Variants in PHKG1 observed in about 807,000 individuals in gnomAD.
The protein encoded by PHKG1 is phosphorylase b kinase gamma catalytic chain, skeletal muscle/heart isoform.
A neutral mutation model predicts 50.5 loss-of-function variants in PHKG1; 48 were observed. The observed-to-expected ratio is 0.95, with a 90% CI of 0.75 to 1.21. The LOEUF (loss-of-function observed/expected upper bound fraction) is 1.21. PHKG1 is among the 50% of genes most tolerant of loss of function. The pLI is 0.00. For missense variants in PHKG1, 487 were observed against 519.5 expected, an observed-to-expected ratio of 0.94 and a Z score of 0.61; for synonymous variants, 204 against 212.8, an observed-to-expected ratio of 0.96 and a Z score of 0.36.
chr7:56,090,137 A>G (rs1796442564), intron 1 of PHKG1, among the ~76,000 whole-genome samples: 1 of 151,750 alleles, frequency 6.6e-6, no homozygotes. Context: ...TTTTGTGGAG[A>G]CGGAGTCTCA....
At chr7:56,083,999 C>T in intron 4 of PHKG1, 3 of 615,630 alleles carry the variant, frequency 4.9e-6, no homozygotes, top group Non-Finnish European at 8.6e-6. Context: ...AATTTTTCCC[C>T]TGGAAAAATT....
At position 56,080,453 on chromosome 7, in the gene PHKG1, G is replaced by C. The variant is rs1795908924; in HGVS notation, c.*601C>G. ...TAATTTTTTGAATTTTTGTAGTGATGGGATCTCGCTCTGTTGCCCAGGGTG... is the reference window on the plus strand; with the variant it reads ...TAATTTTTTGAATTTTTGTAGTGATCGGATCTCGCTCTGTTGCCCAGGGTG... On this transcript the variant is annotated 3_prime_UTR_variant, in exon 10 of 10. Transcript: ENST00000297373. The C allele has an allele frequency of 6.3e-6, 1 of 158,670 alleles. No homozygotes were observed. Among genetic ancestry groups the C allele is most frequent in the South Asian group, 1.9e-4 (1 of 5,392 alleles). 9.8% of individuals were successfully genotyped at this position (158,670 alleles called of 1,614,324 possible).
intron 5 of PHKG1, 46 bp from the exon 6 acceptor site, chr7:56,083,487 G>T: frequency 6.2e-7 from 1 of 1,603,964 alleles, no homozygotes; most frequent in South Asian, 1.1e-5. Context: ...CTCAGGGTCA[G>T]GTAACAGGCA....
chr7:56,088,184 G>T (rs1388992869), intron 2 of PHKG1, among the ~76,000 whole-genome samples: 1 of 151,800 alleles, frequency 6.6e-6, no homozygotes, highest in African/African-American at 2.4e-5. Flanking sequence ...ACAGGTACCT[G>T]CCACCACACA....
intron 1 of PHKG1, among the ~76,000 whole-genome samples, chr7:56,091,368 T>C (rs1015303335): frequency 6.6e-6 from 1 of 151,202 alleles, no homozygotes; most frequent in Non-Finnish European, 1.5e-5. Context: ...ATACAAAAAA[T>C]TAGCCGGGCG....
At position 56,081,115 on chromosome 7, in the gene PHKG1, G is replaced by T. The variant is rs748748925; in HGVS notation, c.1103C>A (p.Ala368Glu). Reference protein sequence around the residue: ...WVKKGQQQNRAALFENTPKAV... With the variant: ...WVKKGQQQNREALFENTPKAV... ...CTTGGGTGTGTTCTCGAAAAGGGCT[G>T]CCCGGTTCTGCTGCTGCCCCTTCTT... The change falls in exon 10 of 10, where the codon GCA becomes GAA. Residue 368 changes from alanine (A) to glutamate (E), a missense_variant. Coordinates refer to ENST00000297373, the MANE Select transcript of PHKG1 (RefSeq NM_006213.5). This position sits in a 1 kb window ranked among gnomAD's most constrained non-coding sequence, Gnocchi z 4.6. 6.2e-7 allele frequency: 1 copy of T among 1,613,548 alleles called. No individual in the cohort carries two copies. The highest frequency in any genetic ancestry group is 2.2e-5 in the East Asian group (1 of 44,896).
intron 4 of PHKG1, chr7:56,084,068 A>AT: frequency 1.3e-6 from 1 of 767,126 alleles, no homozygotes; most frequent in South Asian, 1.6e-5. Flanking sequence ...CCAGGTTCCC[A>AT]TTACCCTAGT....
intron 6 of PHKG1, 97 bp downstream of exon 6, chr7:56,083,181 C>T (rs937819717): frequency 2.9e-6 from 3 of 1,036,242 alleles, no homozygotes; most frequent in Non-Finnish European, 4.2e-6. Flanking sequence ...TTCCAGGGAA[C>T]AATTAAGTTA....
chr7:56,090,552 G>A (rs933760884), intron 1 of PHKG1, among the ~76,000 whole-genome samples: 3 of 122,368 alleles, frequency 2.5e-5, no homozygotes, highest in Non-Finnish European at 3.4e-5. Flanking sequence ...ATGGAGAGCT[G>A]GGTGGGTCCA....
At chr7:56,086,393 C>G (rs1375782402) in intron 4 of PHKG1, among the ~76,000 whole-genome samples, 1 of 152,108 alleles carries the variant, frequency 6.6e-6, no homozygotes, top group African/African-American at 2.4e-5. Flanking sequence ...CTATACTGTG[C>G]CAGGCACGGT....
rs370265951 is a variant in PHKG1 at position 56,082,057 on chromosome 7, G to A, written c.639-11C>T. 23 of 1,611,322 alleles carry A rather than the reference G, an allele frequency of 1.4e-5. No individual in the cohort carries two copies. Among genetic ancestry groups the A allele is most frequent in the Non-Finnish European group, 1.7e-5 (20 of 1,177,934 alleles). On this transcript the variant is annotated splice_polypyrimidine_tract_variant and intron_variant, in intron 7 of 9. Coordinates refer to ENST00000297373, the MANE Select transcript of PHKG1 (RefSeq NM_006213.5). The stretch of plus-strand genomic sequence containing the variant: ...ACGCCAGTGCTCCACCTGGACATGC[G>A]AGGGCCCAGGGCCACTTACCCAGCG...
intron 1 of PHKG1, among the ~76,000 whole-genome samples, chr7:56,092,500 T>C (rs968536991): frequency 3.3e-5 from 5 of 152,208 alleles, no homozygotes; most frequent in African/African-American, 1.2e-4. Flanking sequence ...CTTGAACTCC[T>C]GACCTCAAGT....
chr7:56,085,974 CAAA>C (rs34275240), intron 4 of PHKG1, among the ~76,000 whole-genome samples: 12 of 133,208 alleles, frequency 9.0e-5, no homozygotes, highest in Admixed American at 2.3e-4. Flanking sequence ...AACTCTGTCT[CAAA>C]AAAAAAAAAA....
chr7:56,085,605 G>A (rs554778612), intron 4 of PHKG1, among the ~76,000 whole-genome samples: 2 of 152,260 alleles, frequency 1.3e-5, no homozygotes, highest in African/African-American at 2.4e-5. Context: ...CCTCAATACT[G>A]CTGGCCTCCC....
chr7:56,088,751 T>G, intron 2 of PHKG1, 108 bp downstream of exon 2: 3 of 699,532 alleles, frequency 4.3e-6, no homozygotes, highest in Non-Finnish European at 7.6e-6. Flanking sequence ...GAACAGCACT[T>G]TGGGGATGAA....
At position 56,081,630 on chromosome 7, in the gene PHKG1, C is replaced by T; in HGVS notation, c.918G>A (p.Lys306=). 4 of 1,613,564 alleles carry T rather than the reference C, an allele frequency of 2.5e-6. No homozygotes were observed. Among genetic ancestry groups the T allele is most frequent in the Non-Finnish European group, 3.4e-6 (4 of 1,179,968 alleles). ...VRHFSPRGKF[K]VIALTVLASV... ...GGGCCTGGATCAGGACGCTTAGTAC[C>T]TTGAACTTCCCCCGGGGGCTGAAGT... The change falls in exon 9 of 10, where the codon AAG becomes AAA. Residue 306 remains lysine (K), a splice_region_variant and synonymous_variant. Transcript: ENST00000297373. The surrounding 1 kb of genome is among the most constrained non-coding windows in gnomAD (Gnocchi z 4.6).
intron 3 of PHKG1, among the ~76,000 whole-genome samples, chr7:56,087,378 T>C (rs926150331): frequency 3.3e-5 from 5 of 152,116 alleles, no homozygotes; most frequent in Admixed American, 2.0e-4. Context: ...TGCACCAGCA[T>C]GCCTGGCTAA....
chr7:56,083,124 A>G, intron 6 of PHKG1, 154 bp downstream of exon 6: 1 of 679,710 alleles, frequency 1.5e-6, no homozygotes, highest in Non-Finnish European at 2.4e-6. Flanking sequence ...AAAAAAAGAA[A>G]GAAAAAGAAA....
chr7:56,085,546 T>C (rs186336816), intron 4 of PHKG1, among the ~76,000 whole-genome samples: 44 of 152,330 alleles, frequency 2.9e-4, no homozygotes, highest in Non-Finnish European at 5.9e-4. Context: ...GATGATGATA[T>C]TGATCTTTGG....
Sources: allele counts gnomAD v4.1 joint callset (sites outside exome capture counted in the v4.1 genomes callset), GRCh38; gene constraint gnomAD v4.1.1; non-coding constraint Gnocchi (gnomAD v3.1); transcripts MANE v1.5; gene names NCBI Gene and HGNC (gene_info 2026-07-23, HGNC 2026-07-21).